The following CLASP1 variants were observed in gnomAD, a reference collection of about 807,000 sequenced individuals.
The protein encoded by CLASP1 is cytoplasmic linker associated protein 1.
CLASP1 carries 38 observed loss-of-function variants against 192.3 expected under a neutral mutation model. The observed-to-expected ratio is 0.20, with a 90% CI of 0.15 to 0.26. CLASP1 has a LOEUF of 0.26. Among genes scored for constraint, CLASP1 ranks in the 10% least tolerant of loss-of-function variants. CLASP1 has a pLI of 1.00. For synonymous variants in CLASP1, 691 were observed against 712.8 expected, an observed-to-expected ratio of 0.97 and a Z score of 0.49; for missense variants, 1,433 against 1,932.5, an observed-to-expected ratio of 0.74 and a Z score of 4.85.
Position 121,457,458 on chromosome 2 carries a change from T to TACACACAC in CLASP1, c.1385+221_1385+228dup, listed in dbSNP as rs112547655. 7.7e-3 allele frequency among the ~76,000 whole-genome samples: 1,108 copies of TACACACAC among 143,528 alleles called. 15 individuals carry two copies. The highest frequency in any genetic ancestry group is 0.025 in the African/African-American group (975 of 39,624). 94.2% of individuals were successfully genotyped at this position (143,528 alleles called of 152,430 possible). On this transcript the variant is annotated intron_variant, in intron 14 of 39. Transcript: ENST00000263710. The stretch of plus-strand genomic sequence containing the variant: ...AAACTCACTTTCTCTCACACAGACA[T>TACACACAC]ACACACACACACACACACACACACA...
At chr2:121,460,511 A>G (rs1465840743) in intron 11 of CLASP1, among the ~76,000 whole-genome samples, 1 of 152,168 alleles carries the variant, frequency 6.6e-6, no homozygotes, top group Non-Finnish European at 1.5e-5. Flanking sequence ...TTTATTTAAG[A>G]ATCAAAGGAA....
chr2:121,517,850 G>C (rs1205392633), intron 6 of CLASP1, among the ~76,000 whole-genome samples: 1 of 101,316 alleles, frequency 9.9e-6, no homozygotes, highest in African/African-American at 4.4e-5. Context: ...GACAAAGCAA[G>C]ACTCAAGCTT....
chr2:121,449,530 T>C (rs1432298288), intron 16 of CLASP1, among the ~76,000 whole-genome samples: 1 of 138,322 alleles, frequency 7.2e-6, no homozygotes, highest in Non-Finnish European at 1.5e-5. Context: ...AGGTAACATG[T>C]GCAAAAGAAA....
intron 22 of CLASP1, among the ~76,000 whole-genome samples, chr2:121,421,861 G>T (rs1393629322): frequency 6.6e-6 from 1 of 152,160 alleles, no homozygotes; most frequent in Admixed American, 6.5e-5. Flanking sequence ...GTATATAAAT[G>T]ACTTTTTATA....
At chr2:121,514,165 T>C (rs1260369254) in intron 7 of CLASP1, among the ~76,000 whole-genome samples, 2 of 152,232 alleles carry the variant, frequency 1.3e-5, no homozygotes, top group African/African-American at 4.8e-5. Flanking sequence ...GCTAGTTTGC[T>C]GTGGTTACCC....
chr2:121,374,067 T>TC (rs2069392199), intron 34 of CLASP1, among the ~76,000 whole-genome samples: 1 of 152,208 alleles, frequency 6.6e-6, no homozygotes, highest in Non-Finnish European at 1.5e-5. Flanking sequence ...TGGCAGCCCC[T>TC]CCCATCACAG....
At position 121,532,247 on chromosome 2, in the gene CLASP1, A is replaced by T. The variant is rs144537848; in HGVS notation, c.196-1922T>A. 2.0e-4 allele frequency: 31 copies of T among 152,372 alleles called. 2 individuals carry two copies. In the East Asian group the frequency reaches 6.0e-3, roughly 29 times the overall value. 9.4% of individuals were successfully genotyped at this position (152,372 alleles called of 1,614,324 possible). A position where few individuals can be genotyped will look rare whatever the true frequency, so the allele number is the denominator to read the frequency against. ...GACAATATTGAAGAAAATAATTTTTAAAACTTTTATAAAGAGAACAATTTG... is the reference window on the plus strand; with the variant it reads ...GACAATATTGAAGAAAATAATTTTTTAAACTTTTATAAAGAGAACAATTTG... On this transcript the variant is annotated intron_variant, in intron 2 of 39. Coordinates refer to ENST00000263710, the Ensembl canonical transcript of CLASP1.
Position 121,386,858 on chromosome 2 carries a change from G to A in CLASP1, c.3374+264C>T, listed in dbSNP as rs143684784. ...CAGTACTAAATACAAACTTTTAGTT[G>A]TAGGTACTATTAGGTACTAGTGAGT... is the stretch of plus-strand genomic sequence containing the variant. On this transcript the variant is annotated intron_variant, in intron 32 of 39. Transcript: ENST00000263710. 9.8e-3 allele frequency among the ~76,000 whole-genome samples: 1,486 copies of A among 152,282 alleles called. 17 individuals carry two copies. The highest frequency in any genetic ancestry group is 0.016 in the Non-Finnish European group (1,066 of 68,012).
chr2:121,601,295 T>C (rs1295009848), intron 2 of CLASP1, among the ~76,000 whole-genome samples: 1 of 149,252 alleles, frequency 6.7e-6, no homozygotes, highest in African/African-American at 2.5e-5. Context: ...TTTTTTGAGA[T>C]GGAGTCTTGC....
intron 30 of CLASP1, among the ~76,000 whole-genome samples, chr2:121,389,160 A>G (rs1006204788): frequency 3.9e-5 from 6 of 152,194 alleles, no homozygotes; most frequent in African/African-American, 1.4e-4. Context: ...TTTTGAAATC[A>G]TTCATTAATC....
chr2:121,529,016 A>G (rs557634642), intron 3 of CLASP1, among the ~76,000 whole-genome samples: 1 of 152,244 alleles, frequency 6.6e-6, no homozygotes, highest in Middle Eastern at 3.4e-3. Context: ...CTTCCTCCTT[A>G]CCCCACGTTC....
intron 7 of CLASP1, among the ~76,000 whole-genome samples, chr2:121,503,469 C>A (rs72969355): frequency 1.4e-3 from 209 of 152,322 alleles, no homozygotes; most frequent in African/African-American, 4.7e-3. Flanking sequence ...CTCATTTAAT[C>A]TCCTTGAGGT....
chr2:121,636,338 AAATAATAAT>A lies in CLASP1; in HGVS notation c.-286+13025_-286+13033del, dbSNP rs58688393. 6.9e-4 allele frequency among the ~76,000 whole-genome samples: 95 copies of A among 138,164 alleles called. 1 individual carries two copies. The highest frequency in any genetic ancestry group is 4.2e-3 in the South Asian group (18 of 4,260). The allele number at this position is 138,164 out of a possible 152,430, so 90.6% of individuals were successfully genotyped here. A position where few individuals can be genotyped will look rare whatever the true frequency, so the allele number is the denominator to read the frequency against. On this transcript the variant is annotated intron_variant, in intron 1 of 39. Coordinates refer to ENST00000263710, the Ensembl canonical transcript of CLASP1. ...GTGACAGAGTGAGACTCCATTTCAA[AAATAATAAT>A]AATAATAATAATAATAATAATAATA... is the stretch of plus-strand genomic sequence containing the variant.
chr2:121,356,900 G>A (rs1351150244), intron 37 of CLASP1, among the ~76,000 whole-genome samples: 3 of 152,210 alleles, frequency 2.0e-5, no homozygotes, highest in Admixed American at 1.3e-4. Context: ...ATGAGAAGGA[G>A]TGGAAAGAGG....
At chr2:121,368,753 T>C (rs957758754) in intron 34 of CLASP1, among the ~76,000 whole-genome samples, 1 of 152,222 alleles carries the variant, frequency 6.6e-6, no homozygotes, top group East Asian at 1.9e-4. Context: ...AAATTTTTAC[T>C]TGTGCTGATG....
chr2:121,471,641 C>T (rs1261150719), intron 8 of CLASP1, among the ~76,000 whole-genome samples: 1 of 151,960 alleles, frequency 6.6e-6, no homozygotes, highest in Non-Finnish European at 1.5e-5. Context: ...ACAATGCCCT[C>T]CAAATTACAT....
chr2:121,559,207 T>C (rs1171375576), intron 2 of CLASP1, among the ~76,000 whole-genome samples: 1 of 152,166 alleles, frequency 6.6e-6, no homozygotes, highest in Non-Finnish European at 1.5e-5. Flanking sequence ...CAATTTTTGG[T>C]AAGGACATGG....
At chr2:121,589,647 A>AC (rs997354535) in intron 2 of CLASP1, among the ~76,000 whole-genome samples, 2 of 151,002 alleles carry the variant, frequency 1.3e-5, no homozygotes, top group African/African-American at 4.9e-5. Flanking sequence ...AAAAAAAAAA[A>AC]ACACACTATT....
chr2:121,402,776 C>T (rs897477787), intron 26 of CLASP1: 9 of 420,454 alleles, frequency 2.1e-5, no homozygotes, highest in Non-Finnish European at 3.7e-5. Flanking sequence ...ACTGCTTTTA[C>T]CACTACCTTA....
Sources: allele counts gnomAD v4.1 joint callset (sites outside exome capture counted in the v4.1 genomes callset), GRCh38; gene constraint gnomAD v4.1.1; transcripts MANE v1.5; gene names NCBI Gene and HGNC (gene_info 2026-07-23, HGNC 2026-07-21).